CORO2B: variants seen among roughly 807,000 people sequenced by gnomAD.
The protein encoded by CORO2B is coronin-2B.
Under a neutral mutation model 58.8 loss-of-function variants are expected in CORO2B, and 26 were observed. The observed-to-expected ratio is 0.44, with a 90% confidence interval of 0.32 to 0.61. The LOEUF (loss-of-function observed/expected upper bound fraction) is 0.61. CORO2B is among the 20% of genes least tolerant of loss of function. The probability of loss-of-function intolerance (pLI) is 0.04; values close to 1 mark genes in which losing one functional copy is unlikely to be tolerated. For synonymous variants in CORO2B, 242 were observed against 253.8 expected, an observed-to-expected ratio of 0.95 and a Z score of 0.44; for missense variants, 460 against 645.1, an observed-to-expected ratio of 0.71 and a Z score of 3.11.
the CORO2B span, among the ~76,000 whole-genome samples, chr15:68,552,646 A>T: frequency 2.0e-5 from 3 of 152,050 alleles, no homozygotes; most frequent in East Asian, 3.9e-4. Flanking sequence ...TCCTGCACAC[A>T]CTGGAGGCCC....
chr15:68,558,093 C>T, the CORO2B span, among the ~76,000 whole-genome samples: 28,080 of 148,190 alleles, frequency 0.19, 2,715 homozygotes, highest in Middle Eastern at 0.26. Context: ...AGGGTGGGTG[C>T]GGGCAGAGAG....
intron 5 of CORO2B, among the ~76,000 whole-genome samples, chr15:68,712,432 T>C (rs1892941490): frequency 6.6e-6 from 1 of 152,210 alleles, no homozygotes; most frequent in South Asian, 2.1e-4. Flanking sequence ...CCAAAACTTT[T>C]TGAGCACTGA....
the CORO2B span, among the ~76,000 whole-genome samples, chr15:68,543,971 T>G: frequency 6.6e-6 from 1 of 152,186 alleles, no homozygotes; most frequent in Non-Finnish European, 1.5e-5. Flanking sequence ...GACCAAGCAG[T>G]CTGCTGGACC....
At chr15:68,718,901 G>A in intron 9 of CORO2B, 91 bp downstream of exon 9, 2 of 1,169,682 alleles carry the variant, frequency 1.7e-6, no homozygotes, top group Admixed American at 3.8e-5. Context: ...AAACCCAGGT[G>A]AGAGATGTGC....
At chr15:68,610,068 G>C (rs1900212540) in intron 1 of CORO2B, among the ~76,000 whole-genome samples, 1 of 152,188 alleles carries the variant, frequency 6.6e-6, no homozygotes, top group Non-Finnish European at 1.5e-5. Context: ...AATTCCATGT[G>C]TTATTCAGAA....
the CORO2B span, among the ~76,000 whole-genome samples, chr15:68,562,049 G>C: frequency 6.6e-6 from 1 of 152,130 alleles, no homozygotes; most frequent in Non-Finnish European, 1.5e-5. Context: ...TACCCAGTGG[G>C]TACTGGGGCC....
chr15:68,706,094 T>G (rs1388784098), intron 3 of CORO2B, among the ~76,000 whole-genome samples: 1 of 151,880 alleles, frequency 6.6e-6, no homozygotes, highest in Non-Finnish European at 1.5e-5. Context: ...CAGGGCTTCT[T>G]CAAGCCTCAG....
chr15:68,714,131 C>T (rs966696847), intron 6 of CORO2B, 90 bp downstream of exon 6: 18 of 794,632 alleles, frequency 2.3e-5, no homozygotes, highest in South Asian at 8.1e-5. Context: ...AGCCTGGGCC[C>T]GCACACCAGC....
intron 1 of CORO2B, among the ~76,000 whole-genome samples, chr15:68,630,636 C>T (rs537248307): frequency 7.9e-5 from 12 of 152,124 alleles, no homozygotes; most frequent in Non-Finnish European, 1.5e-4. Context: ...CTGCGAGTAA[C>T]AAAGAAAGCC....
chr15:68,693,246 T>C (rs1892428828), intron 2 of CORO2B, among the ~76,000 whole-genome samples: 1 of 152,184 alleles, frequency 6.6e-6, no homozygotes, highest in Non-Finnish European at 1.5e-5. Context: ...TCAAACGATC[T>C]GGAAATGAGC....
At position 68,645,058 on chromosome 15, in the gene CORO2B, T is replaced by C; in HGVS notation, c.16-102T>C. The C allele has an allele frequency of 8.2e-7, 1 of 1,224,200 alleles. No individual in the cohort carries two copies. The highest frequency in any genetic ancestry group is 2.5e-5 in the East Asian group (1 of 39,348). 75.8% of individuals were successfully genotyped at this position (1,224,200 alleles called of 1,614,324 possible). ...ACAGGGGACCCAGGGCCTGCTCACCTGCTGCACCTCTGAGCCGCAGCTTCC... is the reference window on the plus strand; with the variant it reads ...ACAGGGGACCCAGGGCCTGCTCACCCGCTGCACCTCTGAGCCGCAGCTTCC... On this transcript the variant is annotated intron_variant, in intron 1 of 11. Transcript: ENST00000261861. This position sits in a 1 kb window ranked among gnomAD's most constrained non-coding sequence, Gnocchi z 4.5.
chr15:68,648,833 C>T (rs4776413), intron 2 of CORO2B, among the ~76,000 whole-genome samples: 149,122 of 152,368 alleles, frequency 0.98, 73,054 homozygotes, highest in East Asian at 1. Context: ...CTTCGTAAGA[C>T]GTAAATGAGG....
At chr15:68,723,245 C>G (rs1281635945) in intron 11 of CORO2B, among the ~76,000 whole-genome samples, 1 of 148,368 alleles carries the variant, frequency 6.7e-6, no homozygotes, top group Admixed American at 6.7e-5. Flanking sequence ...CCTTAGCCTC[C>G]CAAGTAGCTG....
intron 8 of CORO2B, among the ~76,000 whole-genome samples, chr15:68,718,039 C>T (rs113662812): frequency 0.027 from 4,159 of 152,266 alleles, 82 homozygotes; most frequent in Middle Eastern, 0.044. Flanking sequence ...ACTCAAACCC[C>T]GTTGGTCCAC....
At position 68,711,608 on chromosome 15, in the gene CORO2B, C is replaced by T; in HGVS notation, c.550C>T (p.Leu184Phe). 6.2e-7 allele frequency: 1 copy of T among 1,614,104 alleles called. No individual in the cohort carries two copies. Among genetic ancestry groups the T allele is most frequent in the Non-Finnish European group, 8.5e-7 (1 of 1,179,978 alleles). Residue 184 changes from leucine (L) to phenylalanine (F), a missense_variant, in exon 5 of 12, where the codon CTC (leucine) becomes TTC (phenylalanine). Coordinates refer to ENST00000261861, the MANE Select transcript of CORO2B (RefSeq NM_006091.5). ...KMIDCHTDVI[L>F]CMSFNTDGSL... ...GATTGACTGCCACACGGATGTGATC[C>T]TCTGCATGTCCTTCAACACGGACGG...
intron 1 of CORO2B, among the ~76,000 whole-genome samples, chr15:68,620,590 C>G (rs1205339704): frequency 6.6e-6 from 1 of 152,232 alleles, no homozygotes; most frequent in East Asian, 1.9e-4. Context: ...TTAGGGAACA[C>G]CTGGTCCCGC....
chr15:68,617,215 T>G (rs1217657587), intron 1 of CORO2B, among the ~76,000 whole-genome samples: 10 of 132,900 alleles, frequency 7.5e-5, no homozygotes, highest in African/African-American at 1.9e-4. Context: ...CTGTGGGGAG[T>G]GGGGGCTGGG....
chr15:68,571,827 G>A, the CORO2B span, among the ~76,000 whole-genome samples: 14 of 152,244 alleles, frequency 9.2e-5, no homozygotes, highest in East Asian at 2.5e-3. Context: ...AAATATAACG[G>A]GCTGAAATGC....
intron 2 of CORO2B, among the ~76,000 whole-genome samples, chr15:68,675,505 A>G (rs1330816903): frequency 6.6e-6 from 1 of 152,142 alleles, no homozygotes; most frequent in Admixed American, 6.5e-5. Context: ...GTGAAGTTGT[A>G]AATTCTAGTT....
Sources: gnomAD v4.1 joint callset for allele counts (sites outside exome capture counted in the v4.1 genomes callset) on GRCh38, gnomAD v4.1.1 for gene constraint, Gnocchi (gnomAD v3.1) non-coding constraint, MANE v1.5 for transcripts, NCBI Gene and HGNC (gene_info 2026-07-23, HGNC 2026-07-21) for gene names.